TEP1: variants seen among roughly 807,000 people sequenced by gnomAD.
TEP1 encodes the protein telomerase associated protein 1.
Under a neutral mutation model 306.3 loss-of-function variants are expected in TEP1, and 241 were observed. That is an observed-to-expected ratio of 0.79 (90% CI 0.71 to 0.88). TEP1 has a LOEUF of 0.88. Ranked by LOEUF, TEP1 falls within the 40% of genes least tolerant of loss-of-function variation. The pLI is 0.00. For synonymous variants in TEP1, 1,289 were observed against 1,305.5 expected, an observed-to-expected ratio of 0.99 and a Z score of 0.27; for missense variants, 3,051 against 3,276.1, an observed-to-expected ratio of 0.93 and a Z score of 1.68.
At chr14:20,389,091 T>C (rs1877476002) in intron 17 of TEP1, 147 bp downstream of exon 17, 1 of 688,960 alleles carries the variant, frequency 1.5e-6, no homozygotes. Flanking sequence ...GAGGTTGCAG[T>C]GAGCCAAGAT....
intron 20 of TEP1, 124 bp from the exon 21 acceptor site, chr14:20,385,233 A>T (rs1877031059): frequency 5.0e-6 from 6 of 1,208,418 alleles, no homozygotes; most frequent in Non-Finnish European, 6.9e-6. Context: ...AGGCACAAGC[A>T]ATAAAATATA....
rs1174304469 is a variant in TEP1, at chr14:20,378,112, G to A, written c.5633C>T (p.Ala1878Val). 2 of 1,613,648 alleles carry A rather than the reference G, an allele frequency of 1.2e-6. No homozygotes were observed. The highest frequency in any genetic ancestry group is 3.3e-5 in the Admixed American group (2 of 59,994). ...AAAGCCATGGTGGGCAGGGAAGGCAGCCAGCCGTGCCCCTTCTCGCCAGGC... is the reference window on the plus strand; with the variant it reads ...AAAGCCATGGTGGGCAGGGAAGGCAACCAGCCGTGCCCCTTCTCGCCAGGC... ...LWAWREGARL[A>V]AFPAHHGFVA... Residue 1878 changes from alanine (A) to valine (V), a missense_variant, in exon 39 of 55, where the codon GCT (alanine) becomes GTT (valine). Physicochemically the swap from Ala to Val is moderately conservative, Grantham distance 64. Coordinates refer to ENST00000262715, the MANE Select transcript of TEP1 (RefSeq NM_007110.5).
chr14:20,382,521 G>T, intron 28 of TEP1, 102 bp downstream of exon 28: 1 of 1,534,794 alleles, frequency 6.5e-7, no homozygotes, highest in South Asian at 1.1e-5. Flanking sequence ...TAGGGAGTGG[G>T]TGATCACAAG....
At chr14:20,396,754 G>GA in intron 9 of TEP1, 24 bp from the exon 10 acceptor site, 1 of 1,554,390 alleles carries the variant, frequency 6.4e-7, no homozygotes, top group Non-Finnish European at 8.8e-7. Flanking sequence ...GGCATAGAGT[G>GA]AGAAAAACAA....
Position 20,373,712 on chromosome 14 carries a change from A to C in TEP1, c.6570T>G (p.Ile2190Met). 1 of 1,614,212 alleles carries C rather than the reference A, an allele frequency of 6.2e-7. No individual in the cohort carries two copies. The highest frequency in any genetic ancestry group is 8.5e-7 in the Non-Finnish European group (1 of 1,180,040). The change falls in exon 45 of 55, where the codon ATT (isoleucine) becomes ATG (methionine). Residue 2190 changes from isoleucine (I) to methionine (M), a missense_variant. By Grantham distance (10) the Ile-to-Met change is conservative. Transcript: ENST00000262715. Reference protein sequence around the residue: ...LTSIPAHSGPISHCAAAMEPR... With the variant: ...LTSIPAHSGPMSHCAAAMEPR... The stretch of plus-strand genomic sequence containing the variant: ...GCTCCATGGCAGCTGCACAGTGGCT[A>C]ATGGGTCCTGAGTGAGCAGGGATGC...
At chr14:20,405,642 G>A in intron 3 of TEP1, 57 bp from the exon 4 acceptor site, 1 of 1,587,464 alleles carries the variant, frequency 6.3e-7, no homozygotes, top group Non-Finnish European at 8.6e-7. Flanking sequence ...ACCAACTTAA[G>A]CATCCATGCA....
rs139113206 is a variant in TEP1 at position 20,386,637 on chromosome 14, G to C, written c.2685-14C>G. The C allele has an allele frequency of 5.2e-3, 8,242 of 1,581,596 alleles. 36 individuals carry two copies. The highest frequency in any genetic ancestry group is 6.2e-3 in the Non-Finnish European group (7,159 of 1,160,944). ...ATGCTGCGCCATCTGGGGATAAGCA[G>C]AGAGCTGGGCTCAGTCTAGGGATGA... On this transcript the variant is annotated splice_polypyrimidine_tract_variant and intron_variant, in intron 18 of 54. Coordinates refer to ENST00000262715, the MANE Select transcript of TEP1 (RefSeq NM_007110.5).
Position 20,368,415 on chromosome 14 carries a change from A to G in TEP1, c.*22T>C. ...TTGCATCTCTAGCACAAGGGGTATC[A>G]TTATTCCCGAGTGGCACATCTTCAT... On this transcript the variant is annotated 3_prime_UTR_variant, in exon 55 of 55. Transcript: ENST00000262715. 3 of 1,613,214 alleles carry G rather than the reference A, an allele frequency of 1.9e-6. No individual in the cohort carries two copies. The highest frequency in any genetic ancestry group is 2.5e-6 in the Non-Finnish European group (3 of 1,179,222).
In TEP1 at chr14:20,380,396, A is replaced by G. The variant is rs767694405; in HGVS notation, c.4842T>C (p.Ala1614=). 1.4e-5 allele frequency: 23 copies of G among 1,614,078 alleles called. No individual in the cohort carries two copies. The highest frequency in any genetic ancestry group is 3.3e-5 in the Admixed American group (2 of 59,998). ...GCCGGGGGTACTGGCTGAGGATTGA[A>G]GCCTGCTGCCTCAGGAAGGTGCGAA... ...AVFRTFLRQQ[A]SILSQYPRLL... The change falls in exon 34 of 55, where the codon GCT becomes GCC. Residue 1614 remains alanine (A), a synonymous_variant. Transcript: ENST00000262715.
At position 20,384,468 on chromosome 14, in the gene TEP1, A is replaced by T; in HGVS notation, c.3262T>A (p.Tyr1088Asn). The T allele has an allele frequency of 6.2e-7, 1 of 1,614,032 alleles. No homozygotes were observed. ...EWGGVAAGRP[Y>N]VGGLEEFGQL... Reference sequence around the variant, plus strand: ...CCAAACTCCTCCAGCCCGCCAACATAGGGCCGGCCAGCTGCCACACCCCCC... The same window carrying T: ...CCAAACTCCTCCAGCCCGCCAACATTGGGCCGGCCAGCTGCCACACCCCCC... Residue 1088 changes from tyrosine (Y) to asparagine (N), a missense_variant, in exon 23 of 55, where the codon TAT becomes AAT. Tyr to Asn is a moderately radical substitution (Grantham distance 143, BLOSUM62 -2). This residue lies in a region of TEP1 where 1,507 missense variants were observed against 1,550.5 expected (regional missense o/e 0.97). Transcript: ENST00000262715.
Position 20,401,217 on chromosome 14 carries a change from T to C in TEP1, c.1392-76A>G, listed in dbSNP as rs1878707722. The C allele has an allele frequency of 5.2e-5, 81 of 1,550,786 alleles. 1 individual carries two copies. In the South Asian group the frequency reaches 9.1e-4, roughly 17 times the overall value. On this transcript the variant is annotated intron_variant, in intron 8 of 54. Coordinates refer to ENST00000262715, the MANE Select transcript of TEP1 (RefSeq NM_007110.5). ...AACTCAGAAAAGGAAAGGTGAGTCATGTTTACAGGGCATGTCTGCCCAAAT... is the reference window on the plus strand; with the variant it reads ...AACTCAGAAAAGGAAAGGTGAGTCACGTTTACAGGGCATGTCTGCCCAAAT...
At position 20,392,946 on chromosome 14, in the gene TEP1, C is replaced by T. The variant is rs1156232263; in HGVS notation, c.1929-1179G>A. On this transcript the variant is annotated intron_variant, in intron 12 of 54. Coordinates refer to ENST00000262715, the MANE Select transcript of TEP1 (RefSeq NM_007110.5). ...CAGTAAAGAAAATGTAAGCCGGGCA[C>T]GGTGGCTCACGCCTATAATCCCAAC... 3.3e-5 allele frequency among the ~76,000 whole-genome samples: 5 copies of T among 152,102 alleles called. No individual in the cohort carries two copies. In the East Asian group the frequency reaches 9.6e-4, roughly 29 times the overall value.
chr14:20,374,514 G>C lies in TEP1; in HGVS notation c.6386C>G (p.Ser2129Cys), dbSNP rs932384830. 6.2e-7 allele frequency: 1 copy of C among 1,613,206 alleles called. No homozygotes were observed. The highest frequency in any genetic ancestry group is 1.3e-5 in the African/African-American group (1 of 74,888). ...NLLISCSSDGSVGLWDPESGQ... is the reference protein window; with the variant it reads ...NLLISCSSDGCVGLWDPESGQ... ...TGACTCTGGGTCCCAGAGCCCCACA[G>C]AGCCATCACTGGAGCAGGATATCTA... The change falls in exon 44 of 55, where the codon TCT becomes TGT. Residue 2129 changes from serine to cysteine, a missense_variant. This residue lies in a region of TEP1 where 1,540 missense variants were observed against 1,705.9 expected (regional missense o/e 0.90). Transcript: ENST00000262715.
intron 1 of TEP1, among the ~76,000 whole-genome samples, chr14:20,413,123 T>G (rs1204995289): frequency 6.6e-6 from 1 of 152,184 alleles, no homozygotes; most frequent in East Asian, 1.9e-4. Flanking sequence ...GATTCTTACG[T>G]GGTCTCTCTT....
At chr14:20,411,683 A>G (rs1034410434) in intron 1 of TEP1, among the ~76,000 whole-genome samples, 8 of 87,792 alleles carry the variant, frequency 9.1e-5, no homozygotes, top group Admixed American at 2.5e-4. Flanking sequence ...TTTTTCACAG[A>G]AAAAAAAAAA....
At chr14:20,377,902 G>T in intron 39 of TEP1, 122 bp downstream of exon 39, 1 of 1,459,880 alleles carries the variant, frequency 6.8e-7, no homozygotes, top group Non-Finnish European at 9.4e-7. Context: ...CCCTCTCCCC[G>T]TGGTTCCTGC....
intron 35 of TEP1, 35 bp from the exon 36 acceptor site, chr14:20,379,140 A>G (rs766909256): frequency 1.2e-6 from 2 of 1,609,916 alleles, no homozygotes; most frequent in Non-Finnish European, 1.7e-6. Flanking sequence ...AGCTCAGGCC[A>G]TCCCCTTGAC....
intron 53 of TEP1, 48 bp downstream of exon 53, chr14:20,369,296 C>A: frequency 6.3e-7 from 1 of 1,599,506 alleles, no homozygotes; most frequent in Non-Finnish European, 8.6e-7. Flanking sequence ...GTGTGAGCCA[C>A]TGCTCCCAGC....
chr14:20,401,973 G>T (rs891008829), intron 7 of TEP1, among the ~76,000 whole-genome samples: 1 of 152,144 alleles, frequency 6.6e-6, no homozygotes, highest in Non-Finnish European at 1.5e-5. Context: ...CAGGCTACGA[G>T]GAGTTTAAAA....
Sources: gnomAD v4.1 joint callset for allele counts (sites outside exome capture counted in the v4.1 genomes callset) on GRCh38, gnomAD v4.1.1 for gene constraint, gnomAD v4.1.1 regional missense constraint, MANE v1.5 for transcripts, NCBI Gene and HGNC (gene_info 2026-07-23, HGNC 2026-07-21) for gene names.